Variants in SRFBP1 observed in about 807,000 individuals in gnomAD.
SRFBP1 encodes serum response factor binding protein 1, also known as serum response factor-binding protein 1.
In SRFBP1, 47 loss-of-function variants were observed where a neutral mutation model predicts 45.5. The observed-to-expected ratio is 1.03, with a 90% CI of 0.82 to 1.32. The LOEUF is 1.32. Ranked by LOEUF, SRFBP1 falls within the 40% of genes most tolerant of loss-of-function variation. SRFBP1 has a pLI of 0.00. For missense variants in SRFBP1, 621 were observed against 484.6 expected (o/e 1.28, Z -2.64); for synonymous variants, 203 against 166.3 (o/e 1.22, Z -1.70).
downstream of SRFBP1, chr5:122,078,199 T>C (rs1360519964): frequency 4.5e-6 from 2 of 443,646 alleles, no homozygotes; most frequent in African/African-American, 2.1e-5. Context: ...CCCTTTCCCC[T>C]TTCTCAGTCC....
intron 3 of SRFBP1, among the ~76,000 whole-genome samples, chr5:121,993,445 T>C (rs981603953): frequency 6.6e-6 from 1 of 152,164 alleles, no homozygotes; most frequent in Admixed American, 6.5e-5. Context: ...GTGTTAGTTT[T>C]TCATGAATGC....
At chr5:122,009,802 A>C (rs1753053150) in intron 4 of SRFBP1, among the ~76,000 whole-genome samples, 1 of 149,514 alleles carries the variant, frequency 6.7e-6, no homozygotes, top group Non-Finnish European at 1.5e-5. Context: ...GATAATTCCC[A>C]TAATCTCTCA....
intron 4 of SRFBP1, among the ~76,000 whole-genome samples, chr5:121,997,152 T>C (rs547046989): frequency 6.9e-6 from 1 of 145,388 alleles, no homozygotes; most frequent in Admixed American, 6.9e-5. Context: ...TTCACAGAAT[T>C]GGAAAAAACT....
intron 3 of SRFBP1, among the ~76,000 whole-genome samples, chr5:121,985,314 T>C (rs1217025436): frequency 7.9e-5 from 12 of 151,898 alleles, no homozygotes; most frequent in African/African-American, 2.6e-4. Context: ...TTCATTGTTT[T>C]GTTTTGGTGT....
intron 1 of SRFBP1, among the ~76,000 whole-genome samples, chr5:121,972,245 T>A (rs1329598912): frequency 2.6e-5 from 4 of 152,032 alleles, no homozygotes; most frequent in African/African-American, 9.6e-5. Context: ...GTAGTGGTAT[T>A]TCTTATATTG....
chr5:122,072,169 A>G (rs968929194), intron 2 of SRFBP1, among the ~76,000 whole-genome samples: 1 of 152,218 alleles, frequency 6.6e-6, no homozygotes. Context: ...ATGGGTTTAC[A>G]TAATGCTTCA....
chr5:121,995,484 A>C (rs1166482228), intron 4 of SRFBP1, among the ~76,000 whole-genome samples: 2 of 152,306 alleles, frequency 1.3e-5, no homozygotes, highest in African/African-American at 4.8e-5. Context: ...AAGACACAAC[A>C]TACCAGAATC....
intron 3 of SRFBP1, among the ~76,000 whole-genome samples, chr5:121,986,645 T>C (rs1752524856): frequency 6.6e-6 from 1 of 152,046 alleles, no homozygotes; most frequent in Non-Finnish European, 1.5e-5. Context: ...CCAGCCTACA[T>C]AGCTTGTTTG....
intron 1 of SRFBP1, among the ~76,000 whole-genome samples, chr5:121,965,413 C>T (rs1580494069): frequency 6.6e-6 from 1 of 152,022 alleles, no homozygotes; most frequent in African/African-American, 2.4e-5. Context: ...CATATGGCTA[C>T]CCAGTTTTCC....
chr5:122,037,780 G>A lies in SRFBP1; in HGVS notation n.311+15373G>A, dbSNP rs189343586. ...TGTTCCTTCCACCTTGATTTCCCAAGGTACTGGGATTATACCCATGAGCCA... is the reference window on the plus strand; with the variant it reads ...TGTTCCTTCCACCTTGATTTCCCAAAGTACTGGGATTATACCCATGAGCCA... On this transcript the variant is annotated intron_variant and non_coding_transcript_variant, in intron 2 of 2. Transcript: ENST00000504881. 1.1e-3 allele frequency among the ~76,000 whole-genome samples: 171 copies of A among 152,144 alleles called. 1 individual carries two copies. The highest frequency in any genetic ancestry group is 4.0e-3 in the African/African-American group (166 of 41,506).
chr5:122,015,839 A>G (rs1398168243), intron 4 of SRFBP1, among the ~76,000 whole-genome samples: 5 of 152,198 alleles, frequency 3.3e-5, no homozygotes, highest in Non-Finnish European at 7.3e-5. Context: ...TATTTTAAGC[A>G]CTAGCTATTA....
At chr5:122,044,332 G>A (rs1443045648) in intron 2 of SRFBP1, among the ~76,000 whole-genome samples, 1 of 152,082 alleles carries the variant, frequency 6.6e-6, no homozygotes, top group East Asian at 1.9e-4. Flanking sequence ...GAGTGTTTAT[G>A]GTAGAACAAT....
chr5:121,976,123 T>G (rs113214420), intron 3 of SRFBP1, among the ~76,000 whole-genome samples: 5,564 of 151,988 alleles, frequency 0.037, 288 homozygotes, highest in African/African-American at 0.11. Flanking sequence ...AAAAGAGAAA[T>G]AAAACTCTCT....
chr5:122,075,245 G>C, intron 2 of SRFBP1: 1 of 603,260 alleles, frequency 1.7e-6, no homozygotes, highest in Non-Finnish European at 2.8e-6. Flanking sequence ...GGATCTTGTA[G>C]TAGATGGGTT....
At chr5:121,995,779 GA>G (rs1159387547) in intron 4 of SRFBP1, among the ~76,000 whole-genome samples, 1 of 150,574 alleles carries the variant, frequency 6.6e-6, no homozygotes, top group Non-Finnish European at 1.5e-5. Flanking sequence ...GACTAATAAA[GA>G]AAAAAAGAGA....
At chr5:122,018,862 C>T (rs1753239068) in intron 4 of SRFBP1, among the ~76,000 whole-genome samples, 1 of 152,142 alleles carries the variant, frequency 6.6e-6, no homozygotes, top group African/African-American at 2.4e-5. Flanking sequence ...ACAGTAGTCT[C>T]ACCCAGTTTA....
rs1301305579 is a variant in SRFBP1, at chr5:121,994,673, A to G, written c.270+3A>G. On this transcript the variant is annotated splice_donor_region_variant and intron_variant, in intron 4 of 7. Coordinates refer to ENST00000339397, the MANE Select transcript of SRFBP1 (RefSeq NM_152546.3). The stretch of plus-strand genomic sequence containing the variant: ...ACTTTGAAAAAATCTTCAAAAAGGT[A>G]TATCTGCAATAGATTATATTTGTCT... The G allele has an allele frequency of 1.3e-6, 2 of 1,552,964 alleles. No individual in the cohort carries two copies. Among genetic ancestry groups the G allele is most frequent in the Non-Finnish European group, 1.8e-6 (2 of 1,136,124 alleles).
At chr5:122,004,431 C>T (rs1752939121) in intron 4 of SRFBP1, among the ~76,000 whole-genome samples, 1 of 152,020 alleles carries the variant, frequency 6.6e-6, no homozygotes, top group Admixed American at 6.6e-5. Flanking sequence ...AATCAGTTGG[C>T]CATAAATGCG....
intron 2 of SRFBP1, among the ~76,000 whole-genome samples, chr5:122,067,115 T>A (rs1185185024): frequency 1.3e-5 from 2 of 152,136 alleles, no homozygotes; most frequent in Non-Finnish European, 2.9e-5. Context: ...CTCTGCTCCA[T>A]CTTGAATTAG....
Sources: allele counts gnomAD v4.1 joint callset (sites outside exome capture counted in the v4.1 genomes callset), GRCh38; gene constraint gnomAD v4.1.1; transcripts MANE v1.5; gene names NCBI Gene and HGNC (gene_info 2026-07-23, HGNC 2026-07-21).